The following CAST variants were observed in gnomAD, a reference collection of about 807,000 sequenced individuals.
CAST encodes the protein calpastatin, also known as MIR583 host.
CAST carries 76 observed loss-of-function variants against 119.6 expected under a neutral mutation model. The observed-to-expected ratio is 0.64, with a 90% CI of 0.53 to 0.77. The LOEUF is 0.77. Among genes scored for constraint, CAST ranks in the 30% least tolerant of loss-of-function variants. The pLI is 0.00. For synonymous variants in CAST, 319 were observed against 331.6 expected, an observed-to-expected ratio of 0.96 and a Z score of 0.41; for missense variants, 953 against 946.5, an observed-to-expected ratio of 1.01 and a Z score of -0.09.
At chr5:96,453,643 G>T in the CAST span, among the ~76,000 whole-genome samples, 1 of 152,152 alleles carries the variant, frequency 6.6e-6, no homozygotes, top group Non-Finnish European at 1.5e-5. Context: ...TCCTCTCAGT[G>T]GCAATGTTTA....
chr5:96,115,103 G>T, the CAST span, among the ~76,000 whole-genome samples: 341 of 152,290 alleles, frequency 2.2e-3, 1 homozygote, highest in Middle Eastern at 0.031. Flanking sequence ...CATAACTATT[G>T]CTTGCATTCT....
At chr5:96,492,035 T>C in the CAST span, among the ~76,000 whole-genome samples, 2 of 152,244 alleles carry the variant, frequency 1.3e-5, no homozygotes, top group African/African-American at 4.8e-5. Flanking sequence ...ATGCTGGTAA[T>C]ATTCTGTTTC....
At chr5:96,129,383 G>A in the CAST span, among the ~76,000 whole-genome samples, 2 of 152,070 alleles carry the variant, frequency 1.3e-5, no homozygotes, top group African/African-American at 2.4e-5. Context: ...TGAACCTGGT[G>A]GGTGAGAGAG....
At chr5:96,681,689 C>T (rs1431714062) in intron 2 of CAST, among the ~76,000 whole-genome samples, 2 of 146,970 alleles carry the variant, frequency 1.4e-5, no homozygotes, top group Non-Finnish European at 3.0e-5. Flanking sequence ...GCCGAGATCC[C>T]GCCACTGCAC....
the CAST span, among the ~76,000 whole-genome samples, chr5:96,008,972 G>A: frequency 5.9e-5 from 9 of 152,098 alleles, no homozygotes; most frequent in East Asian, 1.5e-3. Flanking sequence ...GCCCCACCCC[G>A]CCTCTATCAG....
At chr5:96,091,489 G>A in the CAST span, among the ~76,000 whole-genome samples, 33 of 143,454 alleles carry the variant, frequency 2.3e-4, no homozygotes, top group South Asian at 5.9e-3. Flanking sequence ...ACAGGCATGA[G>A]CCACCATGCC....
the CAST span, among the ~76,000 whole-genome samples, chr5:96,023,170 C>T: frequency 1.3e-5 from 2 of 152,186 alleles, no homozygotes; most frequent in Non-Finnish European, 2.9e-5. Context: ...CACTTCCCTA[C>T]TGCTTGTGCA....
chr5:96,318,022 C>T, the CAST span, among the ~76,000 whole-genome samples: 3 of 152,152 alleles, frequency 2.0e-5, no homozygotes, highest in Non-Finnish European at 2.9e-5. Flanking sequence ...GCTATCATGG[C>T]GTGGTCAGTT....
chr5:96,473,567 C>T, the CAST span, among the ~76,000 whole-genome samples: 3 of 152,220 alleles, frequency 2.0e-5, no homozygotes, highest in African/African-American at 4.8e-5. Flanking sequence ...CACCAGACAT[C>T]ACCTCTGCAT....
chr5:96,166,661 C>T, the CAST span, among the ~76,000 whole-genome samples: 479 of 152,064 alleles, frequency 3.1e-3, 1 homozygote, highest in Non-Finnish European at 3.8e-3. Flanking sequence ...AATGAATATA[C>T]AAATCTAGAT....
At chr5:96,406,136 G>T in the CAST span, among the ~76,000 whole-genome samples, 1 of 152,052 alleles carries the variant, frequency 6.6e-6, no homozygotes, top group Non-Finnish European at 1.5e-5. Context: ...AGAATCTTAG[G>T]AAGAGAAGAA....
At chr5:96,568,633 T>A (rs958914557) in intron 1 of CAST, among the ~76,000 whole-genome samples, 13 of 151,404 alleles carry the variant, frequency 8.6e-5, no homozygotes, top group African/African-American at 2.4e-4. Flanking sequence ...TGAGGGAGTT[T>A]AAGAATATTC....
chr5:96,411,771 C>T, the CAST span, among the ~76,000 whole-genome samples: 1 of 152,140 alleles, frequency 6.6e-6, no homozygotes, highest in Non-Finnish European at 1.5e-5. Flanking sequence ...AATAAATTTC[C>T]ATTCAACCTC....
At chr5:96,703,363 G>GT (rs1754278072) in intron 3 of CAST, among the ~76,000 whole-genome samples, 1 of 152,148 alleles carries the variant, frequency 6.6e-6, no homozygotes, top group Non-Finnish European at 1.5e-5. Context: ...GATGACCTCC[G>GT]TTTTAGAGCG....
the CAST span, chr5:96,394,823 C>T: frequency 6.3e-7 from 1 of 1,595,112 alleles, no homozygotes; most frequent in Non-Finnish European, 8.6e-7. Context: ...TTGTCTACCC[C>T]AGTTCAAAAG....
intron 1 of CAST, among the ~76,000 whole-genome samples, chr5:96,530,601 T>A (rs1745672832): frequency 6.6e-6 from 1 of 151,724 alleles, no homozygotes; most frequent in South Asian, 2.1e-4. Context: ...GAGAAGAAAC[T>A]CAGATATTGA....
the CAST span, among the ~76,000 whole-genome samples, chr5:96,274,688 A>G: frequency 2.6e-5 from 4 of 152,290 alleles, no homozygotes; most frequent in South Asian, 8.3e-4. Flanking sequence ...ATAACTGATT[A>G]ATTATTCTCT....
chr5:96,119,937 G>C, the CAST span, among the ~76,000 whole-genome samples: 2 of 152,266 alleles, frequency 1.3e-5, no homozygotes, highest in Non-Finnish European at 2.9e-5. Context: ...TTTTTATCTA[G>C]AGAGGGTAAA....
intron 1 of CAST, among the ~76,000 whole-genome samples, chr5:96,532,109 T>C (rs1445338903): frequency 6.6e-6 from 1 of 151,900 alleles, no homozygotes; most frequent in Non-Finnish European, 1.5e-5. Context: ...AAGTTAGACA[T>C]GTAGACTGAA....
Sources: allele counts gnomAD v4.1 joint callset (sites outside exome capture counted in the v4.1 genomes callset), GRCh38; gene constraint gnomAD v4.1.1; transcripts MANE v1.5; gene names NCBI Gene and HGNC (gene_info 2026-07-23, HGNC 2026-07-21).